The following NXN variants were observed in gnomAD, a reference collection of about 807,000 sequenced individuals.
The protein encoded by NXN is nucleoredoxin, also known as nucleoredoxin 1.
NXN carries 16 observed loss-of-function variants against 48.6 expected under a neutral mutation model. The ratio of observed to expected loss-of-function variants is 0.33; its 90% CI spans 0.22 to 0.50. The LOEUF is 0.50. NXN is among the 20% of genes least tolerant of loss of function. The pLI is 0.98. For missense variants in NXN, 492 were observed against 605.5 expected (o/e 0.81, Z 1.97); for synonymous variants, 281 against 269.6 (o/e 1.04, Z -0.41).
chr17:929,355 C>T (rs983694778), intron 1 of NXN, among the ~76,000 whole-genome samples: 1 of 152,196 alleles, frequency 6.6e-6, no homozygotes, highest in African/African-American at 2.4e-5. Context: ...GTCCAATTGG[C>T]TACACGTTTT....
chr17:839,310 C>T (rs1914006494), intron 1 of NXN, among the ~76,000 whole-genome samples: 1 of 151,970 alleles, frequency 6.6e-6, no homozygotes, highest in Non-Finnish European at 1.5e-5. Context: ...TGGCAGGTGC[C>T]TGTAATCCCA....
At chr17:889,798 A>G (rs1050578001) in intron 1 of NXN, among the ~76,000 whole-genome samples, 2 of 152,228 alleles carry the variant, frequency 1.3e-5, no homozygotes, top group South Asian at 4.1e-4. Context: ...AGAAATGCAG[A>G]CAGATTAATT....
rs1367643358 is a variant in NXN, at chr17:866,698, T to C, written c.361-40620A>G. Among the ~76,000 whole-genome samples the C allele has an allele frequency of 2.0e-5, 3 of 152,220 alleles. No individual in the cohort carries two copies. In the East Asian group the frequency reaches 5.8e-4, roughly 29 times the overall value. ...GCTTTTATAAAGAAAGAAAAAGTCCTGGCAGCCTCTAACGTTGTTCAATTT... is the reference window on the plus strand; with the variant it reads ...GCTTTTATAAAGAAAGAAAAAGTCCCGGCAGCCTCTAACGTTGTTCAATTT... On this transcript the variant is annotated intron_variant, in intron 1 of 7. Transcript: ENST00000336868.
At chr17:878,734 T>C (rs1325956995) in intron 1 of NXN, among the ~76,000 whole-genome samples, 1 of 151,632 alleles carries the variant, frequency 6.6e-6, no homozygotes, top group Non-Finnish European at 1.5e-5. Context: ...ACCCAGTGAA[T>C]GGGGGGAAAT....
Position 919,233 on chromosome 17 carries a change from G to T in NXN, c.360+60086C>A, listed in dbSNP as rs942979494. Among the ~76,000 whole-genome samples, 8 of 151,774 alleles carry T rather than the reference G, an allele frequency of 5.3e-5. No homozygotes were observed. The highest frequency in any genetic ancestry group is 1.2e-4 in the Non-Finnish European group (8 of 67,942). ...CAAAAATCAGCCGGGCGTCATGGCG[G>T]GCACCTGTAGTCCCAGTTCCTTGGG... On this transcript the variant is annotated intron_variant, in intron 1 of 7. Transcript: ENST00000336868. The surrounding 1 kb of genome is among the most constrained non-coding windows in gnomAD (Gnocchi z 5.1).
At chr17:805,609 G>A (rs980222327) in intron 5 of NXN, among the ~76,000 whole-genome samples, 1 of 152,204 alleles carries the variant, frequency 6.6e-6, no homozygotes, top group Non-Finnish European at 1.5e-5. Context: ...GGCTGAGGTG[G>A]ATGGATCACT....
chr17:811,708 AAACTCATCATC>A (rs1912020701), intron 5 of NXN, among the ~76,000 whole-genome samples: 1 of 152,054 alleles, frequency 6.6e-6, no homozygotes, highest in Non-Finnish European at 1.5e-5. Context: ...CCTGGGGCCC[AAACTCATCATC>A]AAGACCACGG....
rs761399476 is a variant in NXN, at chr17:910,409, T to TA, written c.360+68909dup. ...CCTGGGTGACAGAGTGAGACTCCAT[T>TA]AAAAAAAAAAAAAAAAGTTCTAATC... is the stretch of plus-strand genomic sequence containing the variant. On this transcript the variant is annotated intron_variant, in intron 1 of 7. Coordinates refer to ENST00000336868, the MANE Select transcript of NXN (RefSeq NM_022463.5). Among the ~76,000 whole-genome samples, 339 of 137,570 alleles carry TA rather than the reference T, an allele frequency of 2.5e-3. 1 individual carries two copies. Among genetic ancestry groups the TA allele is most frequent in the African/African-American group, 2.6e-3 (96 of 37,222 alleles). 90.3% of individuals were successfully genotyped at this position (137,570 alleles called of 152,430 possible). A position where few individuals can be genotyped will look rare whatever the true frequency, so the allele number is the denominator to read the frequency against.
At chr17:808,978 T>G (rs1036892712) in intron 5 of NXN, among the ~76,000 whole-genome samples, 2 of 152,108 alleles carry the variant, frequency 1.3e-5, no homozygotes, top group African/African-American at 4.8e-5. Flanking sequence ...CACCCAGCCA[T>G]TATATTCTTT....
intron 1 of NXN, among the ~76,000 whole-genome samples, chr17:901,270 G>A (rs914357907): frequency 5.9e-5 from 9 of 152,018 alleles, no homozygotes; most frequent in South Asian, 2.1e-4. Flanking sequence ...GAGCCTCAAC[G>A]TCACCCTCTG....
intron 1 of NXN, among the ~76,000 whole-genome samples, chr17:876,611 G>A (rs1197660207): frequency 1.3e-5 from 2 of 152,186 alleles, no homozygotes; most frequent in South Asian, 2.1e-4. Context: ...CTCACTGGGC[G>A]GGGAGCTCAA....
At chr17:957,270 T>C (rs2069181337) in intron 1 of NXN, among the ~76,000 whole-genome samples, 1 of 150,778 alleles carries the variant, frequency 6.6e-6, no homozygotes, top group Non-Finnish European at 1.5e-5. Flanking sequence ...TAGAGGAACT[T>C]CCTCTACTTC....
intron 1 of NXN, among the ~76,000 whole-genome samples, chr17:926,545 GTTT>G (rs55805154): frequency 0.31 from 39,773 of 126,892 alleles, 6,596 homozygotes; most frequent in East Asian, 0.61. Flanking sequence ...TTTTTTTTTT[GTTT>G]TTTTGTTTTT....
chr17:963,214 GACACACACACAC>G (rs58535607), intron 1 of NXN, among the ~76,000 whole-genome samples: 2 of 142,896 alleles, frequency 1.4e-5, no homozygotes, highest in African/African-American at 2.7e-5. Context: ...TACTGGGACG[GACACACACACAC>G]ACACACACAC....
chr17:837,649 C>A (rs1393939652), intron 1 of NXN, among the ~76,000 whole-genome samples: 2 of 152,186 alleles, frequency 1.3e-5, no homozygotes, highest in Admixed American at 6.6e-5. Flanking sequence ...TGATTCGAAT[C>A]CAGCGCTGGT....
intron 1 of NXN, among the ~76,000 whole-genome samples, chr17:834,438 T>G (rs551451818): frequency 1.3e-5 from 2 of 151,482 alleles, no homozygotes; most frequent in Non-Finnish European, 3.0e-5. Flanking sequence ...GTGCATTTTG[T>G]TAGTCTTGCT....
chr17:905,270 T>TATATATATAGATAG (rs1488360942), intron 1 of NXN: 3 of 149,492 alleles, frequency 2.0e-5, no homozygotes, highest in African/African-American at 7.3e-5. Flanking sequence ...TATATATATA[T>TATATATATAGATAG]ATAGATGCCG....
In NXN at chr17:917,115, T is replaced by C. The variant is rs2068695849; in HGVS notation, c.360+62204A>G. 6.6e-6 allele frequency among the ~76,000 whole-genome samples: 1 copy of C among 151,990 alleles called. No individual in the cohort carries two copies. Among genetic ancestry groups the C allele is most frequent in the Non-Finnish European group, 1.5e-5 (1 of 68,020 alleles). On this transcript the variant is annotated intron_variant, in intron 1 of 7. Transcript: ENST00000336868. The surrounding 1 kb of genome is among the most constrained non-coding windows in gnomAD (Gnocchi z 4.5). ...CTTTGCCTCCAACAAGATTCCCTGT[T>C]CCTAAGTGAACCAAGGAATGAGGTG...
chr17:947,017 C>T (rs1402842779), intron 1 of NXN, among the ~76,000 whole-genome samples: 3 of 152,166 alleles, frequency 2.0e-5, no homozygotes, highest in Non-Finnish European at 2.9e-5. Flanking sequence ...GGTGCGTCCT[C>T]CAGGGGCCGC....
Sources: gnomAD v4.1 joint callset for allele counts (sites outside exome capture counted in the v4.1 genomes callset) on GRCh38, gnomAD v4.1.1 for gene constraint, Gnocchi (gnomAD v3.1) non-coding constraint, MANE v1.5 for transcripts, NCBI Gene and HGNC (gene_info 2026-07-23, HGNC 2026-07-21) for gene names.